The following STK26 variants were observed in gnomAD, a reference collection of about 807,000 sequenced individuals.
STK26 encodes the protein serine/threonine kinase 26, also known as serine/threonine-protein kinase 26.
A neutral mutation model predicts 34.7 loss-of-function variants in STK26; 14 were observed. The ratio of observed to expected loss-of-function variants is 0.40; its 90% CI spans 0.27 to 0.63. The LOEUF (loss-of-function observed/expected upper bound fraction) is 0.63, where lower values mean the gene tolerates loss of function less well. STK26 is among the 30% of genes least tolerant of loss of function. The pLI, the probability that STK26 is intolerant of heterozygous loss-of-function variation, is 0.38. For missense variants in STK26, 226 were observed against 309.1 expected (o/e 0.73, Z 2.02); for synonymous variants, 100 against 109.8 (o/e 0.91, Z 0.56).
At chrX:132,055,811 G>A (rs1926837119) in intron 3 of STK26, among the ~76,000 whole-genome samples, 2 of 111,923 alleles carry the variant, frequency 1.8e-5, no homozygotes, top group Admixed American at 1.9e-4. Context: ...GTTGGCCTGC[G>A]TAAAAATTAA....
At chrX:132,031,541 A>G (rs1037578323) in intron 2 of STK26, among the ~76,000 whole-genome samples, 1 of 112,038 alleles carries the variant, frequency 8.9e-6, no homozygotes, top group Non-Finnish European at 1.9e-5. Flanking sequence ...TTCTCATATG[A>G]GTGAGAACAT....
chrX:132,063,523 A>T, intron 4 of STK26, 34 bp downstream of exon 4: 1 of 1,146,063 alleles, frequency 8.7e-7, no homozygotes, highest in Non-Finnish European at 1.2e-6. Context: ...CACAGATGCA[A>T]ATGTGTGCAT....
Position 132,072,230 on chromosome X carries a change from T to C in STK26, c.933-38T>C, listed in dbSNP as rs375789143. ...TGGTATTTTTGCCAAGCTGAATCAT[T>C]TGGGCACTTATAGAGGTATCTTTGG... On this transcript the variant is annotated intron_variant, in intron 8 of 11. Coordinates refer to ENST00000394334, the MANE Select transcript of STK26 (RefSeq NM_016542.4). 20 of 1,069,720 alleles carry C rather than the reference T, an allele frequency of 1.9e-5. No homozygotes were observed. The African/African-American group carries it at 3.5e-4, about 19-fold the overall frequency. The allele number at this position is 1,069,720 out of a possible 1,213,427, so 88.2% of individuals were successfully genotyped here.
intron 7 of STK26, among the ~76,000 whole-genome samples, chrX:132,070,153 T>G (rs1053210108): frequency 2.7e-5 from 3 of 110,138 alleles, no homozygotes; most frequent in Non-Finnish European, 5.7e-5. Context: ...TGCCTCAGCC[T>G]CCCAAGTAGC....
In STK26 at chrX:132,074,133, A is replaced by G. The variant is rs949400523; in HGVS notation, c.1227-2A>G. 1.7e-6 allele frequency: 2 copies of G among 1,203,232 alleles called. No individual in the cohort carries two copies. The highest frequency in any genetic ancestry group is 2.2e-6 in the Non-Finnish European group (2 of 890,440). ...GGTTTAAATTTTTTAAAAATTTTATAGGTGTTCAGCAGACGAATCCCCCTA... is the reference window on the plus strand; with the variant it reads ...GGTTTAAATTTTTTAAAAATTTTATGGGTGTTCAGCAGACGAATCCCCCTA... On this transcript the variant is annotated splice_acceptor_variant, in intron 11 of 11. Transcript: ENST00000394334. LOFTEE classifies it high-confidence loss of function.
rs762831561 is a variant in STK26, at chrX:132,054,597, G to A, written c.43-34G>A. 5.4e-6 allele frequency: 6 copies of A among 1,121,429 alleles called. No individual in the cohort carries two copies. In the Admixed American group the frequency reaches 7.9e-5, roughly 15 times the overall value. The allele number at this position is 1,121,429 out of a possible 1,213,427, so 92.4% of individuals were successfully genotyped here. A position where few individuals can be genotyped will look rare whatever the true frequency, so the allele number is the denominator to read the frequency against. Reference sequence around the variant, plus strand: ...AAAAAATTTGATTCAAAACATTTGTGTTCTTTCTTTTTCTCGTTCCCCACT... The same window carrying A: ...AAAAAATTTGATTCAAAACATTTGTATTCTTTCTTTTTCTCGTTCCCCACT... On this transcript the variant is annotated intron_variant, in intron 2 of 11. Coordinates refer to ENST00000394334, the MANE Select transcript of STK26 (RefSeq NM_016542.4).
chrX:132,069,647 A>G lies in STK26; in HGVS notation c.767A>G (p.Asn256Ser), dbSNP rs376757777. The G allele has an allele frequency of 5.3e-6, 6 of 1,121,833 alleles. No individual in the cohort carries two copies. The highest frequency in any genetic ancestry group is 7.1e-6 in the Non-Finnish European group (6 of 850,740). The allele number at this position is 1,121,833 out of a possible 1,213,427, so 92.5% of individuals were successfully genotyped here. Residue 256 changes from asparagine to serine, a missense_variant, in exon 7 of 12, where the codon AAC (asparagine) becomes AGC (serine). Around this residue, in one of 2 missense-constraint regions of STK26, gnomAD observed 126 missense variants for 132.4 expected, o/e 0.95. Coordinates refer to ENST00000394334, the MANE Select transcript of STK26 (RefSeq NM_016542.4). ...SFKEFIDACL[N>S]KDPSFRPTAK... ...AAGGAGTTTATTGATGCTTGCCTGAACAAAGATCCATCATTTGTGAGTATA... is the reference window on the plus strand; with the variant it reads ...AAGGAGTTTATTGATGCTTGCCTGAGCAAAGATCCATCATTTGTGAGTATA...
rs1184556152 is a variant in STK26 at position 132,023,567 on chromosome X, G to A, written c.-51G>A. 2 of 1,162,721 alleles carry A rather than the reference G, an allele frequency of 1.7e-6. No individual in the cohort carries two copies. The highest frequency in any genetic ancestry group is 5.1e-5 in the Admixed American group (2 of 38,858). Reference sequence around the variant, plus strand: ...TACCCCCGGAGGGAGGAGCCAGTCCGAACCCAAGGCGCCACCGCCGCAGAA... The same window carrying A: ...TACCCCCGGAGGGAGGAGCCAGTCCAAACCCAAGGCGCCACCGCCGCAGAA... On this transcript the variant is annotated 5_prime_UTR_variant, in exon 2 of 12. Transcript: ENST00000394334.
intron 2 of STK26, among the ~76,000 whole-genome samples, chrX:132,026,510 C>A (rs1030310553): frequency 6.3e-5 from 7 of 111,442 alleles, no homozygotes; most frequent in Admixed American, 9.5e-5. Context: ...TAAAAAAAAA[C>A]CAATAAACCT....
chrX:132,058,053 T>C (rs1281422412), intron 3 of STK26, among the ~76,000 whole-genome samples: 1 of 112,253 alleles, frequency 8.9e-6, no homozygotes, highest in African/African-American at 3.2e-5. Flanking sequence ...TAGCTATTAC[T>C]GTATTTTACT....
At chrX:132,042,987 C>T (rs974278880) in intron 2 of STK26, among the ~76,000 whole-genome samples, 1 of 111,769 alleles carries the variant, frequency 8.9e-6, no homozygotes, top group East Asian at 2.8e-4. Flanking sequence ...GCCACTTTCT[C>T]ATTAAGAATG....
At chrX:132,067,653 A>G in intron 4 of STK26, among the ~76,000 whole-genome samples, 1 of 111,501 alleles carries the variant, frequency 9.0e-6, no homozygotes, top group African/African-American at 3.3e-5. Context: ...GAATAGTTTA[A>G]TTATTATATT....
intron 11 of STK26, among the ~76,000 whole-genome samples, chrX:132,073,596 T>C (rs1927494993): frequency 8.9e-6 from 1 of 112,263 alleles, no homozygotes; most frequent in African/African-American, 3.2e-5. Flanking sequence ...TCTTGAAATA[T>C]TCATTTGATT....
Position 132,023,488 on chromosome X carries a change from A to T in STK26, c.-110-20A>T. The T allele has an allele frequency of 2.3e-6, 2 of 862,080 alleles. No individual in the cohort carries two copies. Among genetic ancestry groups the T allele is most frequent in the Non-Finnish European group, 3.3e-6 (2 of 598,024 alleles). The allele number at this position is 862,080 out of a possible 1,213,427, so 71.0% of individuals were successfully genotyped here. A position where few individuals can be genotyped will look rare whatever the true frequency, so the allele number is the denominator to read the frequency against. Reference sequence around the variant, plus strand: ...TACGCGCCGCCAGCCCAGTAACCCCACTTTTGTGTGTCCTCCCAGGCCCCG... The same window carrying T: ...TACGCGCCGCCAGCCCAGTAACCCCTCTTTTGTGTGTCCTCCCAGGCCCCG... On this transcript the variant is annotated intron_variant, in intron 1 of 11. Transcript: ENST00000394334.
At chrX:132,070,307 C>T (rs1034789395) in intron 7 of STK26, among the ~76,000 whole-genome samples, 6 of 111,951 alleles carry the variant, frequency 5.4e-5, no homozygotes, top group Non-Finnish European at 9.4e-5. Context: ...GCTGGGATTA[C>T]AGGCATGAGC....
At chrX:132,057,370 T>C (rs372679605) in intron 3 of STK26, among the ~76,000 whole-genome samples, 1 of 111,763 alleles carries the variant, frequency 8.9e-6, no homozygotes, top group East Asian at 2.8e-4. Flanking sequence ...GTGATACCAA[T>C]AGCCTCCACC....
At chrX:132,043,975 A>G (rs1396875050) in intron 2 of STK26, among the ~76,000 whole-genome samples, 2 of 112,254 alleles carry the variant, frequency 1.8e-5, no homozygotes, top group Non-Finnish European at 3.8e-5. Flanking sequence ...TGTTAATCAC[A>G]TGAAAATAGG....
rs750081546 is a variant in STK26, at chrX:132,054,613, G to A, written c.43-18G>A. On this transcript the variant is annotated intron_variant, in intron 2 of 11. Coordinates refer to ENST00000394334, the MANE Select transcript of STK26 (RefSeq NM_016542.4). ...AACATTTGTGTTCTTTCTTTTTCTCGTTCCCCACTCCCTTCAGAATAACAT... is the reference window on the plus strand; with the variant it reads ...AACATTTGTGTTCTTTCTTTTTCTCATTCCCCACTCCCTTCAGAATAACAT... The A allele has an allele frequency of 5.2e-6, 6 of 1,150,208 alleles. No individual in the cohort carries two copies. The highest frequency in any genetic ancestry group is 5.8e-6 in the Non-Finnish European group (5 of 857,772). 94.8% of individuals were successfully genotyped at this position (1,150,208 alleles called of 1,213,427 possible). A position where few individuals can be genotyped will look rare whatever the true frequency, so the allele number is the denominator to read the frequency against.
chrX:132,027,048 C>T (rs1020522713), intron 2 of STK26, among the ~76,000 whole-genome samples: 4 of 112,124 alleles, frequency 3.6e-5, no homozygotes, highest in Admixed American at 1.9e-4. Context: ...AAAACTAGCA[C>T]ATGAAATATC....
Sources: gnomAD v4.1 joint callset for allele counts (sites outside exome capture counted in the v4.1 genomes callset) on GRCh38, gnomAD v4.1.1 for gene constraint, gnomAD v4.1.1 regional missense constraint, MANE v1.5 for transcripts, NCBI Gene and HGNC (gene_info 2026-07-23, HGNC 2026-07-21) for gene names.